The following ARL15 variants were observed in gnomAD, a reference collection of about 807,000 sequenced individuals.
The protein encoded by ARL15 is ADP-ribosylation factor-like protein 15.
In ARL15, 19 loss-of-function variants were observed where a neutral mutation model predicts 25.2. The ratio of observed to expected loss-of-function variants is 0.75; its 90% CI spans 0.53 to 1.10. ARL15 has a LOEUF of 1.10. ARL15 is among the 50% of genes least tolerant of loss of function. The pLI, the probability that ARL15 is intolerant of heterozygous loss-of-function variation, is 0.00. For synonymous variants in ARL15, 94 were observed against 86.8 expected (o/e 1.08, Z -0.46); for missense variants, 220 against 246.0 (o/e 0.89, Z 0.71).
chr5:54,076,692 G>A (rs577973207), intron 4 of ARL15, among the ~76,000 whole-genome samples: 2 of 152,048 alleles, frequency 1.3e-5, no homozygotes, highest in South Asian at 2.1e-4. Flanking sequence ...ATGGTACTAC[G>A]TTCTAATAGA....
At chr5:54,223,296 C>T (rs1036762289) in intron 1 of ARL15, among the ~76,000 whole-genome samples, 25 of 151,730 alleles carry the variant, frequency 1.6e-4, no homozygotes, top group Admixed American at 1.6e-3. Context: ...TAAAAAAGAC[C>T]ACCTAGGATA....
intron 1 of ARL15, among the ~76,000 whole-genome samples, chr5:54,232,749 T>C (rs1374299365): frequency 6.6e-6 from 1 of 152,116 alleles, no homozygotes; most frequent in Non-Finnish European, 1.5e-5. Flanking sequence ...TCCTCTGATT[T>C]CCTCTATTCC....
chr5:54,127,946 T>G (rs1057497995), intron 3 of ARL15, among the ~76,000 whole-genome samples: 1 of 152,118 alleles, frequency 6.6e-6, no homozygotes, highest in Non-Finnish European at 1.5e-5. Flanking sequence ...TAAATGGTGC[T>G]GGGAAAACTG....
chr5:54,009,599 C>A (rs759880905), intron 4 of ARL15, among the ~76,000 whole-genome samples: 1 of 152,188 alleles, frequency 6.6e-6, no homozygotes, highest in African/African-American at 2.4e-5. Flanking sequence ...GAATATTGTG[C>A]ACAAACTCTT....
chr5:54,194,001 A>G (rs1755481028), intron 1 of ARL15, among the ~76,000 whole-genome samples: 1 of 152,194 alleles, frequency 6.6e-6, no homozygotes. Flanking sequence ...AAATAAAAAC[A>G]TACAAGTTCT....
At chr5:54,304,962 T>A (rs980382486) in intron 1 of ARL15, among the ~76,000 whole-genome samples, 4 of 152,192 alleles carry the variant, frequency 2.6e-5, no homozygotes, top group African/African-American at 9.6e-5. Flanking sequence ...TCATAGTGCC[T>A]GTGGGCTCTA....
chr5:54,307,276 G>C (rs3797224), intron 1 of ARL15, among the ~76,000 whole-genome samples: 32,675 of 152,046 alleles, frequency 0.21, 4,127 homozygotes, highest in East Asian at 0.46. Flanking sequence ...GCATTCCCCT[G>C]AACAAAACAC....
chr5:54,025,451 T>C (rs192776919), intron 4 of ARL15, among the ~76,000 whole-genome samples: 67 of 152,306 alleles, frequency 4.4e-4, no homozygotes, highest in Non-Finnish European at 6.5e-4. Context: ...TATAAGATGC[T>C]GGACTGATAA....
At chr5:54,228,555 C>G (rs577129894) in intron 1 of ARL15, among the ~76,000 whole-genome samples, 1 of 118,884 alleles carries the variant, frequency 8.4e-6, no homozygotes, top group Admixed American at 1.2e-4. Flanking sequence ...TAAGGTTATT[C>G]TCACCTCCCC....
At chr5:54,046,725 T>C (rs569420717) in intron 4 of ARL15, among the ~76,000 whole-genome samples, 4 of 152,302 alleles carry the variant, frequency 2.6e-5, no homozygotes, top group South Asian at 2.1e-4. Flanking sequence ...ATTGACTTTA[T>C]TGATTTTTAA....
intron 4 of ARL15, among the ~76,000 whole-genome samples, chr5:54,084,981 T>A (rs1751918265): frequency 1.3e-5 from 2 of 152,200 alleles, no homozygotes; most frequent in South Asian, 4.1e-4. Context: ...TTGGCTAATG[T>A]CTGAGTATAT....
chr5:54,185,241 TA>T (rs1197310781), intron 1 of ARL15, among the ~76,000 whole-genome samples: 1 of 152,104 alleles, frequency 6.6e-6, no homozygotes, highest in Non-Finnish European at 1.5e-5. Context: ...TCCATGTCAG[TA>T]AAGGGGCTGA....
intron 1 of ARL15, among the ~76,000 whole-genome samples, chr5:54,256,297 C>A (rs1288154095): frequency 4.0e-5 from 6 of 151,154 alleles, no homozygotes; most frequent in African/African-American, 1.5e-4. Flanking sequence ...TGCATACACA[C>A]TAGAAAATTT....
intron 4 of ARL15, among the ~76,000 whole-genome samples, chr5:53,907,279 C>A (rs1489644606): frequency 1.3e-5 from 2 of 151,484 alleles, no homozygotes; most frequent in Non-Finnish European, 2.9e-5. Flanking sequence ...CTTAGACATA[C>A]CTTGTGGTGA....
intron 1 of ARL15, among the ~76,000 whole-genome samples, chr5:54,273,472 CA>C (rs2112650872): frequency 6.6e-6 from 1 of 152,182 alleles, no homozygotes; most frequent in East Asian, 1.9e-4. Flanking sequence ...CTGGCCTCTT[CA>C]AAAATGTCAA....
chr5:53,930,021 G>A (rs1422237044), intron 4 of ARL15, among the ~76,000 whole-genome samples: 1 of 152,026 alleles, frequency 6.6e-6, no homozygotes, highest in Non-Finnish European at 1.5e-5. Context: ...TAATTTATAG[G>A]GAGTTTCATA....
chr5:53,989,576 GGTGT>G (rs34198507), intron 4 of ARL15, among the ~76,000 whole-genome samples: 84 of 149,182 alleles, frequency 5.6e-4, no homozygotes, highest in Non-Finnish European at 7.3e-4. Flanking sequence ...ACCAGGGAGG[GGTGT>G]GTGTGTGTGT....
chr5:53,975,187 A>G (rs1206881950), intron 4 of ARL15, among the ~76,000 whole-genome samples: 1 of 152,108 alleles, frequency 6.6e-6, no homozygotes, highest in African/African-American at 2.4e-5. Context: ...TTTTTCTCTA[A>G]ACTTTCTCCC....
At chr5:53,924,004 T>G (rs948137279) in intron 4 of ARL15, among the ~76,000 whole-genome samples, 11 of 152,246 alleles carry the variant, frequency 7.2e-5, no homozygotes, top group Non-Finnish European at 1.6e-4. Context: ...AATTTTCAAT[T>G]AGAAAGCAGA....
Sources: gnomAD v4.1 joint callset for allele counts (sites outside exome capture counted in the v4.1 genomes callset) on GRCh38, gnomAD v4.1.1 for gene constraint, MANE v1.5 for transcripts, NCBI Gene and HGNC (gene_info 2026-07-23, HGNC 2026-07-21) for gene names.